Variants in EML2 observed in about 807,000 individuals in gnomAD.
EML2 encodes the protein EMAP like 2, also known as echinoderm microtubule-associated protein-like 2.
Under a neutral mutation model 84.7 loss-of-function variants are expected in EML2, and 59 were observed. That is an observed-to-expected ratio of 0.70 (90% CI 0.56 to 0.86). The LOEUF (loss-of-function observed/expected upper bound fraction) is 0.86, where lower values mean the gene tolerates loss of function less well. Among genes scored for constraint, EML2 ranks in the 40% least tolerant of loss-of-function variants. EML2 has a pLI of 0.00. For missense variants in EML2, 818 were observed against 855.6 expected, an observed-to-expected ratio of 0.96 and a Z score of 0.55; for synonymous variants, 352 against 348.9, an observed-to-expected ratio of 1.01 and a Z score of -0.10.
chr19:45,614,177 T>C (rs1474414913), intron 17 of EML2, among the ~76,000 whole-genome samples: 1 of 152,158 alleles, frequency 6.6e-6, no homozygotes, highest in East Asian at 1.9e-4. Flanking sequence ...TGCCCCACCC[T>C]GGGTTTCCCT....
intron 14 of EML2, 90 bp downstream of exon 14, chr19:45,616,675 G>C: frequency 2.1e-6 from 3 of 1,409,840 alleles, no homozygotes; most frequent in Non-Finnish European, 2.0e-6. Flanking sequence ...CCTAGGCCTC[G>C]CTTCGCAGGC....
upstream of EML2, among the ~76,000 whole-genome samples, chr19:45,644,240 C>G (rs1291352942): frequency 2.0e-5 from 3 of 152,084 alleles, no homozygotes; most frequent in Non-Finnish European, 4.4e-5. Context: ...GTAGCATAAT[C>G]CATTTTAGGA....
intron 18 of EML2, among the ~76,000 whole-genome samples, chr19:45,611,984 G>A (rs563349157): frequency 1.3e-5 from 2 of 151,970 alleles, no homozygotes; most frequent in Admixed American, 6.6e-5. Context: ...CAATTCTCCC[G>A]CCTCACCTTC....
At chr19:45,615,947 G>A (rs1341003014) in intron 15 of EML2, 58 bp from the exon 16 acceptor site, 3 of 1,313,102 alleles carry the variant, frequency 2.3e-6, no homozygotes, top group Admixed American at 3.6e-5. Context: ...AAGGAGAGGG[G>A]GACAGGATTA....
chr19:45,641,223 A>T (rs113547107), upstream of EML2: 1 of 164,496 alleles, frequency 6.1e-6, no homozygotes, highest in Non-Finnish European at 1.3e-5. Context: ...CCAGATTTTA[A>T]TTTCGCCCAG....
At chr19:45,621,793 G>A (rs1971750682) in intron 9 of EML2, among the ~76,000 whole-genome samples, 156 bp from the exon 10 acceptor site, 1 of 151,044 alleles carries the variant, frequency 6.6e-6, no homozygotes, top group Non-Finnish European at 1.5e-5. Flanking sequence ...TGCCCAGGCT[G>A]GAGTGCACTG....
At chr19:45,642,575 C>A, upstream of EML2, 1 of 1,330,540 alleles carries the variant, frequency 7.5e-7, no homozygotes, top group Non-Finnish European at 9.7e-7. Flanking sequence ...TCTGCCACAG[C>A]GCGCTGGCCG....
At chr19:45,626,258 C>A (rs891226666) in intron 8 of EML2, among the ~76,000 whole-genome samples, 1 of 152,138 alleles carries the variant, frequency 6.6e-6, no homozygotes, top group Non-Finnish European at 1.5e-5. Flanking sequence ...GGGATCCTCC[C>A]CCCTCAGCCT....
upstream of EML2, chr19:45,642,235 G>A (rs1600248395): frequency 1.4e-5 from 21 of 1,535,874 alleles, no homozygotes; most frequent in Middle Eastern, 6.7e-4. Flanking sequence ...GCGACGCAGA[G>A]CATCCGCCAG....
chr19:45,642,323 C>A (rs1412934450), upstream of EML2: 5 of 1,534,664 alleles, frequency 3.3e-6, no homozygotes, highest in East Asian at 1.2e-4. Context: ...TCGTCCACTT[C>A]CATACCGCTC....
chr19:45,609,882 T>G, intron 18 of EML2, 94 bp from the exon 19 acceptor site: 2 of 1,409,120 alleles, frequency 1.4e-6, no homozygotes, highest in Non-Finnish European at 1.9e-6. Flanking sequence ...TTTTCTGCTC[T>G]TCCTCTTTTT....
At chr19:45,623,857 CTT>C (rs1368705252) in intron 9 of EML2, among the ~76,000 whole-genome samples, 1 of 152,082 alleles carries the variant, frequency 6.6e-6, no homozygotes, top group African/African-American at 2.4e-5. Context: ...AGCCTAAAAA[CTT>C]TTAAAAGTAA....
At chr19:45,614,817 T>C (rs1970846009) in intron 16 of EML2, 117 bp from the exon 17 acceptor site, 1 of 796,388 alleles carries the variant, frequency 1.3e-6, no homozygotes, top group Non-Finnish European at 2.1e-6. Flanking sequence ...GTCCCAGGGC[T>C]CATTCTACCT....
upstream of EML2, chr19:45,645,602 C>T (rs973022449): frequency 3.1e-5 from 20 of 644,646 alleles, no homozygotes; most frequent in African/African-American, 2.4e-4. Context: ...CCCTAGGTAC[C>T]GTCTGGTCCC....
chr19:45,638,624 G>A lies in EML2; in HGVS notation c.60C>T (p.Ser20=), dbSNP rs373075354. 35 of 1,613,644 alleles carry A rather than the reference G, an allele frequency of 2.2e-5. No homozygotes were observed. The Middle Eastern group carries it at 6.6e-4, about 30-fold the overall frequency. The part of the protein sequence containing the change: ...KEVIFSVEDG[S]VKMFLRGRPV... ...GGCGGCCCCTCAGGAACATTTTCAC[G>A]GAGCCATCCTCTGCCAGGACACCCC... Residue 20 remains serine (S), a synonymous_variant, in exon 3 of 19, where the codon TCC becomes TCT. Coordinates refer to ENST00000245925, the MANE Select transcript of EML2 (RefSeq NM_012155.4).
chr19:45,641,211 C>G (rs1270652629), upstream of EML2: 1 of 164,578 alleles, frequency 6.1e-6, no homozygotes, highest in Admixed American at 5.8e-5. Context: ...TTACTCCGTA[C>G]CCCAGATTTT....
chr19:45,639,122 GGAA>G, intron 1 of EML2: 1 of 671,316 alleles, frequency 1.5e-6, no homozygotes, highest in Non-Finnish European at 2.6e-6. Flanking sequence ...ACGCGATCCT[GGAA>G]GAAGGGAGTC....
At chr19:45,630,418 T>C (rs1277127954) in intron 6 of EML2, among the ~76,000 whole-genome samples, 1 of 151,850 alleles carries the variant, frequency 6.6e-6, no homozygotes, top group Non-Finnish European at 1.5e-5. Flanking sequence ...CCAGGCGTGG[T>C]GGCAGGTGCC....
chr19:45,626,057 T>G (rs1972278101), intron 8 of EML2, among the ~76,000 whole-genome samples: 1 of 151,686 alleles, frequency 6.6e-6, no homozygotes, highest in Non-Finnish European at 1.5e-5. Context: ...TTGTATTTTT[T>G]GTAGATATGA....
Sources: allele counts gnomAD v4.1 joint callset (sites outside exome capture counted in the v4.1 genomes callset), GRCh38; gene constraint gnomAD v4.1.1; transcripts MANE v1.5; gene names NCBI Gene and HGNC (gene_info 2026-07-23, HGNC 2026-07-21).